SLIT3: variants seen among roughly 807,000 people sequenced by gnomAD.
SLIT3 encodes the protein slit homolog 3 protein.
Under a neutral mutation model 184.0 loss-of-function variants are expected in SLIT3, and 68 were observed. That is an observed-to-expected ratio of 0.37 (90% confidence interval 0.30 to 0.45). SLIT3 has a LOEUF of 0.45. Ranked by LOEUF, SLIT3 falls within the 20% of genes least tolerant of loss-of-function variation. The probability of loss-of-function intolerance (pLI) is 1.00; values close to 1 mark genes in which losing one functional copy is unlikely to be tolerated. For missense variants in SLIT3, 1,707 were observed against 2,026.0 expected (o/e 0.84, Z 3.02); for synonymous variants, 831 against 828.6 (o/e 1.00, Z -0.05).
At chr5:169,038,930 T>C (rs1757353325) in intron 4 of SLIT3, among the ~76,000 whole-genome samples, 1 of 152,172 alleles carries the variant, frequency 6.6e-6, no homozygotes, top group Non-Finnish European at 1.5e-5. Context: ...GAAGTCCAAC[T>C]GATGAACTTC....
rs547373084 is a variant in SLIT3 at position 168,966,444 on chromosome 5, G to A, written c.414-83108C>T. ...GGCAGCCTGGGTCAGGGCACCAGGA[G>A]GTATGAGACTGAAAGAGAACTAAAG... On this transcript the variant is annotated intron_variant, in intron 4 of 35. Coordinates refer to ENST00000519560, the MANE Select transcript of SLIT3 (RefSeq NM_003062.4). Among the ~76,000 whole-genome samples, 26 of 152,200 alleles carry A rather than the reference G, an allele frequency of 1.7e-4. No individual in the cohort carries two copies. In the South Asian group the frequency reaches 5.4e-3, roughly 32 times the overall value.
chr5:168,945,117 G>A (rs754129062), intron 4 of SLIT3, among the ~76,000 whole-genome samples: 1 of 152,210 alleles, frequency 6.6e-6, no homozygotes, highest in Non-Finnish European at 1.5e-5. Context: ...GACCCTGCTA[G>A]CTCATGCCCC....
At chr5:169,114,044 C>T (rs567815487) in intron 4 of SLIT3, among the ~76,000 whole-genome samples, 7 of 152,302 alleles carry the variant, frequency 4.6e-5, no homozygotes, top group African/African-American at 1.4e-4. Flanking sequence ...GCTACTGTTA[C>T]GATTAGGGAG....
intron 4 of SLIT3, among the ~76,000 whole-genome samples, chr5:169,017,548 T>A (rs1430472473): frequency 1.3e-5 from 2 of 152,194 alleles, no homozygotes; most frequent in Non-Finnish European, 2.9e-5. Context: ...AGGCAAGGCC[T>A]CGCTGGCAGC....
At chr5:168,872,841 C>T (rs1200096533) in intron 5 of SLIT3, among the ~76,000 whole-genome samples, 1 of 151,952 alleles carries the variant, frequency 6.6e-6, no homozygotes, top group East Asian at 1.9e-4. Flanking sequence ...GGGGTTTCAC[C>T]GTGTTAGCCA....
intron 20 of SLIT3, among the ~76,000 whole-genome samples, chr5:168,726,620 T>G (rs1173400850): frequency 6.6e-6 from 1 of 150,918 alleles, no homozygotes; most frequent in African/African-American, 2.4e-5. Context: ...AATTATGAAT[T>G]GCAATCTGTG....
At chr5:169,043,287 G>C (rs986275525) in intron 4 of SLIT3, among the ~76,000 whole-genome samples, 7 of 152,152 alleles carry the variant, frequency 4.6e-5, no homozygotes, top group African/African-American at 9.7e-5. Context: ...ATACTCCAAA[G>C]CCTCATTAAT....
At position 168,918,399 on chromosome 5, in the gene SLIT3, A is replaced by G. The variant is rs568262081; in HGVS notation, c.414-35063T>C. Reference sequence around the variant, plus strand: ...TGCATCAGAACAAAAATAAAATGAAATTTAAAGGGCCCCTGGGGCTAGTAA... The same window carrying G: ...TGCATCAGAACAAAAATAAAATGAAGTTTAAAGGGCCCCTGGGGCTAGTAA... On this transcript the variant is annotated intron_variant, in intron 4 of 35. Coordinates refer to ENST00000519560, the MANE Select transcript of SLIT3 (RefSeq NM_003062.4). Among the ~76,000 whole-genome samples, 8 of 152,304 alleles carry G rather than the reference A, an allele frequency of 5.3e-5. No individual in the cohort carries two copies. In the South Asian group the frequency reaches 1.7e-3, roughly 32 times the overall value.
intron 4 of SLIT3, among the ~76,000 whole-genome samples, chr5:169,075,219 G>C (rs1758695735): frequency 6.6e-6 from 1 of 152,104 alleles, no homozygotes; most frequent in Admixed American, 6.5e-5. Context: ...TGACATTTTA[G>C]TCATCTTTTC....
At chr5:168,808,811 G>A (rs1004120344) in intron 8 of SLIT3, among the ~76,000 whole-genome samples, 4 of 152,216 alleles carry the variant, frequency 2.6e-5, no homozygotes, top group Admixed American at 6.5e-5. Context: ...TCGAAGGGAG[G>A]TTGGGAGCAG....
chr5:168,994,601 T>C (rs1755445807), intron 4 of SLIT3, among the ~76,000 whole-genome samples: 1 of 145,688 alleles, frequency 6.9e-6, no homozygotes, highest in African/African-American at 2.5e-5. Context: ...GCTACTAACA[T>C]GTACCAGTGT....
At chr5:169,047,998 G>GA (rs1200703877) in intron 4 of SLIT3, among the ~76,000 whole-genome samples, 2 of 152,074 alleles carry the variant, frequency 1.3e-5, no homozygotes, top group South Asian at 2.1e-4. Context: ...GAAGGAGGGG[G>GA]AAAAAAAGAG....
chr5:168,817,547 C>A (rs1380608159), intron 7 of SLIT3, 84 bp from the exon 8 acceptor site: 1 of 1,298,690 alleles, frequency 7.7e-7, no homozygotes, highest in Non-Finnish European at 1.1e-6. Flanking sequence ...GACCAAAACC[C>A]CTGTTGCCCC....
At chr5:169,084,937 T>A (rs1759229933) in intron 4 of SLIT3, among the ~76,000 whole-genome samples, 1 of 152,116 alleles carries the variant, frequency 6.6e-6, no homozygotes, top group East Asian at 1.9e-4. Context: ...CTGACCAACC[T>A]CACCCATTCA....
chr5:169,027,764 C>A (rs926200915), intron 4 of SLIT3, among the ~76,000 whole-genome samples: 1 of 152,142 alleles, frequency 6.6e-6, no homozygotes, highest in Admixed American at 6.5e-5. Flanking sequence ...TTCCTGAGAC[C>A]TTTCAATAGA....
intron 4 of SLIT3, among the ~76,000 whole-genome samples, chr5:168,992,002 G>A (rs1358884379): frequency 1.3e-5 from 2 of 152,166 alleles, no homozygotes; most frequent in African/African-American, 4.8e-5. Context: ...ATATAAAAGG[G>A]CCCATATAAG....
chr5:168,675,853 G>T, intron 32 of SLIT3, among the ~76,000 whole-genome samples: 1 of 152,114 alleles, frequency 6.6e-6, no homozygotes, highest in African/African-American at 2.4e-5. Context: ...GATGGCAGAG[G>T]ACATGCAGGA....
chr5:168,780,833 ATTAAT>A (rs1387331728), intron 12 of SLIT3, among the ~76,000 whole-genome samples: 1 of 152,154 alleles, frequency 6.6e-6, no homozygotes, highest in African/African-American at 2.4e-5. Context: ...AAATATGGGG[ATTAAT>A]TTAGACCTTC....
intron 8 of SLIT3, among the ~76,000 whole-genome samples, chr5:168,810,367 T>C (rs930442465): frequency 6.6e-6 from 1 of 152,210 alleles, no homozygotes; most frequent in Non-Finnish European, 1.5e-5. Flanking sequence ...GCCTATGTAC[T>C]GGCAAGGAAG....
Sources: allele counts gnomAD v4.1 joint callset (sites outside exome capture counted in the v4.1 genomes callset), GRCh38; gene constraint gnomAD v4.1.1; transcripts MANE v1.5; gene names NCBI Gene and HGNC (gene_info 2026-07-23, HGNC 2026-07-21).